PANK2: variants seen among roughly 807,000 people sequenced by gnomAD.
PANK2 encodes pantothenate kinase 2, mitochondrial.
Under a neutral mutation model 43.1 loss-of-function variants are expected in PANK2, and 36 were observed. The observed-to-expected ratio is 0.84, with a 90% CI of 0.64 to 1.10. The LOEUF is 1.10. PANK2 is among the 50% of genes least tolerant of loss of function. The pLI, the probability that PANK2 is intolerant of heterozygous loss-of-function variation, is 0.00. For missense variants in PANK2, 576 were observed against 593.3 expected (o/e 0.97, Z 0.30); for synonymous variants, 281 against 238.2 (o/e 1.18, Z -1.66).
At chr20:3,902,283 C>T (rs1273984568) in intron 1 of PANK2, among the ~76,000 whole-genome samples, 1 of 151,540 alleles carries the variant, frequency 6.6e-6, no homozygotes, top group African/African-American at 2.4e-5. Context: ...CCTCTCACTT[C>T]AGCCTCTCAA....
chr20:3,921,403 T>A (rs2090645125), intron 6 of PANK2: 1 of 152,188 alleles, frequency 6.6e-6, no homozygotes, highest in Admixed American at 6.5e-5. Context: ...GATCCTTTAT[T>A]CTCATCTTAG....
intron 1 of PANK2, among the ~76,000 whole-genome samples, chr20:3,896,100 C>T (rs923426867): frequency 6.0e-5 from 9 of 150,504 alleles, no homozygotes; most frequent in East Asian, 1.9e-4. Flanking sequence ...CTTGCTCTGT[C>T]GCCCAGGCTG....
In PANK2 at chr20:3,910,659, A is replaced by G. The variant is rs746484727; in HGVS notation, c.734A>G (p.Asn245Ser). The G allele has an allele frequency of 1.7e-5, 28 of 1,614,084 alleles. No individual in the cohort carries two copies. The highest frequency in any genetic ancestry group is 3.3e-4 in the Middle Eastern group (2 of 6,084). ...TTATACATTGACTCAGTCGGATTCA[A>G]TGGACGGTCACAGTGCTATTACTTT... Residue 245 changes from asparagine to serine, a missense_variant, in exon 3 of 7, where the codon AAT (asparagine) becomes AGT (serine). Physicochemically the swap from Asn to Ser is conservative, Grantham distance 46. This residue lies in a region of PANK2 where 544 missense variants were observed against 528.9 expected (regional missense o/e 1.03). Coordinates refer to ENST00000610179, the MANE Select transcript of PANK2 (RefSeq NM_001386393.1).
intron 3 of PANK2, among the ~76,000 whole-genome samples, chr20:3,911,890 C>CA (rs35317201): frequency 0.076 from 10,642 of 140,510 alleles, 461 homozygotes; most frequent in East Asian, 0.15. Flanking sequence ...AACTCCATCT[C>CA]AAAAAAAAAA....
intron 1 of PANK2, among the ~76,000 whole-genome samples, chr20:3,906,563 A>G (rs2090389014): frequency 6.6e-6 from 1 of 152,214 alleles, no homozygotes; most frequent in African/African-American, 2.4e-5. Flanking sequence ...CTTCTAGCAT[A>G]AAGCTAGATG....
At position 3,918,715 on chromosome 20, in the gene PANK2, T is replaced by C; in HGVS notation, c.1251T>C (p.Asn417=). 1 of 1,614,260 alleles carries C rather than the reference T, an allele frequency of 6.2e-7. No homozygotes were observed. Among genetic ancestry groups the C allele is most frequent in the Non-Finnish European group, 8.5e-7 (1 of 1,180,052 alleles). Reference sequence around the variant, plus strand: ...TTGTTGGAAATTTCTTGAGAATTAATACGATCGCCATGCGGCTTTTGGCAT... The same window carrying C: ...TTGTTGGAAATTTCTTGAGAATTAACACGATCGCCATGCGGCTTTTGGCAT... Residue 417 remains asparagine (N), a synonymous_variant, in exon 6 of 7, where the codon AAT becomes AAC. Coordinates refer to ENST00000610179, the MANE Select transcript of PANK2 (RefSeq NM_001386393.1).
At chr20:3,889,156 T>A, upstream of PANK2, 7 of 1,593,926 alleles carry the variant, frequency 4.4e-6, no homozygotes, top group Non-Finnish European at 6.0e-6. Context: ...CCGCCATCAC[T>A]CTCTTCTGGG....
At chr20:3,889,945 C>T (rs1156696039) in intron 1 of PANK2, 8 of 1,527,162 alleles carry the variant, frequency 5.2e-6, no homozygotes, top group African/African-American at 2.8e-5. Flanking sequence ...ATGCACTTCC[C>T]GCTTGTTGGA....
intron 3 of PANK2, among the ~76,000 whole-genome samples, chr20:3,911,411 C>G (rs1271174179): frequency 4.7e-5 from 7 of 150,466 alleles, no homozygotes; most frequent in Non-Finnish European, 5.9e-5. Context: ...GGTGAAACCC[C>G]ATCTCTACTA....
At chr20:3,903,895 G>A (rs917397126) in intron 1 of PANK2, among the ~76,000 whole-genome samples, 2 of 151,962 alleles carry the variant, frequency 1.3e-5, no homozygotes, top group African/African-American at 4.8e-5. Context: ...CCAAAGTGTT[G>A]GGATTACAGG....
intron 4 of PANK2, among the ~76,000 whole-genome samples, chr20:3,915,991 G>C (rs1315233578): frequency 6.6e-6 from 1 of 152,114 alleles, no homozygotes; most frequent in Non-Finnish European, 1.5e-5. Flanking sequence ...GGGTTAACTT[G>C]GCAAGGTCTG....
rs1377016339 is a variant in PANK2 at position 3,913,871 on chromosome 20, C to CTCTA, written c.1082+1238_1082+1241dup. Among the ~76,000 whole-genome samples the CTCTA allele has an allele frequency of 2.0e-5, 3 of 150,660 alleles. No individual in the cohort carries two copies. The East Asian group carries it at 5.9e-4, about 29-fold the overall frequency. On this transcript the variant is annotated intron_variant, in intron 4 of 6. Transcript: ENST00000610179. The stretch of plus-strand genomic sequence containing the variant: ...TGGCGTGATCTCGGCTCACTGCAAG[C>CTCTA]TCTAGCTCCTGGGTTCATGCCATTC...
chr20:3,889,756 G>GGCCC, intron 1 of PANK2, 28 bp downstream of exon 1: 2 of 1,580,582 alleles, frequency 1.3e-6, no homozygotes, highest in Non-Finnish European at 1.7e-6. Flanking sequence ...CGCCCTCCCG[G>GGCCC]CCCGCCCTGC....
In PANK2 at chr20:3,908,062, T is replaced by C; in HGVS notation, c.435T>C (p.Asn145=). Residue 145 remains asparagine, a synonymous_variant, in exon 2 of 7, where the codon AAT becomes AAC. Transcript: ENST00000610179. ...GCATTCGGAAGTACCTGACCTCCAA[T>C]GTGGCTTATGGGTCTACAGGCATTC... 6.2e-7 allele frequency: 1 copy of C among 1,614,198 alleles called. No homozygotes were observed. The highest frequency in any genetic ancestry group is 8.5e-7 in the Non-Finnish European group (1 of 1,180,042).
chr20:3,906,083 A>G (rs564684553), intron 1 of PANK2, among the ~76,000 whole-genome samples: 27 of 152,088 alleles, frequency 1.8e-4, no homozygotes, highest in Middle Eastern at 3.4e-3. Context: ...ATGCTTTTTG[A>G]CTTACGATGT....
chr20:3,914,071 G>A (rs538257974), intron 4 of PANK2, among the ~76,000 whole-genome samples: 342 of 152,120 alleles, frequency 2.2e-3, no homozygotes, highest in Non-Finnish European at 2.3e-3. Context: ...TTACAGGCGT[G>A]AGCCACTGCG....
chr20:3,896,222 C>G (rs1199032576), intron 1 of PANK2, among the ~76,000 whole-genome samples: 1 of 143,202 alleles, frequency 7.0e-6, no homozygotes, highest in East Asian at 2.1e-4. Flanking sequence ...GCCACCACGC[C>G]TGGCTAATTT....
Position 3,889,509 on chromosome 20 carries a change from G to A in PANK2, c.79G>A (p.Gly27Ser). 1 of 1,449,914 alleles carries A rather than the reference G, an allele frequency of 6.9e-7. No homozygotes were observed. The highest frequency in any genetic ancestry group is 1.4e-5 in the South Asian group (1 of 70,818). The allele number at this position is 1,449,914 out of a possible 1,614,324, so 89.8% of individuals were successfully genotyped here. ...GCTCGGCGCGCCCATGGAGCGCCACGGCAGGGCTTCCGCCACCTCCGTCTC... is the reference window on the plus strand; with the variant it reads ...GCTCGGCGCGCCCATGGAGCGCCACAGCAGGGCTTCCGCCACCTCCGTCTC... Residue 27 changes from glycine to serine, a missense_variant, in exon 1 of 7, where the codon GGC (glycine) becomes AGC (serine). By Grantham distance (56) the Gly-to-Ser change is moderately conservative (BLOSUM62 0). This residue lies in a region of PANK2 where 544 missense variants were observed against 528.9 expected (regional missense o/e 1.03). Transcript: ENST00000610179.
intron 1 of PANK2, among the ~76,000 whole-genome samples, chr20:3,902,491 C>G (rs369004855): frequency 6.6e-6 from 1 of 151,454 alleles, no homozygotes; most frequent in East Asian, 1.9e-4. Context: ...GTTGGCCTGG[C>G]TGGTCTCGAA....
Sources: gnomAD v4.1 joint callset for allele counts (sites outside exome capture counted in the v4.1 genomes callset) on GRCh38, gnomAD v4.1.1 for gene constraint, gnomAD v4.1.1 regional missense constraint, MANE v1.5 for transcripts, NCBI Gene and HGNC (gene_info 2026-07-23, HGNC 2026-07-21) for gene names.